Variants in NCOA2 observed in about 807,000 individuals in gnomAD.
The protein encoded by NCOA2 is nuclear receptor coactivator 2, also known as class E basic helix-loop-helix protein 75.
A neutral mutation model predicts 145.1 loss-of-function variants in NCOA2; 21 were observed. That is an observed-to-expected ratio of 0.14 (90% CI 0.10 to 0.21). The LOEUF (loss-of-function observed/expected upper bound fraction) is 0.21. Among genes scored for constraint, NCOA2 ranks in the 10% least tolerant of loss-of-function variants. NCOA2 has a pLI of 1.00. For missense variants in NCOA2, 1,472 were observed against 1,837.6 expected (o/e 0.80, Z 3.64); for synonymous variants, 619 against 637.5 (o/e 0.97, Z 0.44).
intron 1 of NCOA2, among the ~76,000 whole-genome samples, chr8:70,310,298 C>T (rs796498703): frequency 6.4e-5 from 9 of 141,168 alleles, no homozygotes; most frequent in African/African-American, 2.4e-4. Context: ...GAGCCAAGAT[C>T]ACACCACTGC....
At position 70,166,447 on chromosome 8, in the gene NCOA2, A is replaced by C. The variant is rs924041597; in HGVS notation, c.730+119T>G. 2.0e-5 allele frequency: 24 copies of C among 1,192,150 alleles called. No individual in the cohort carries two copies. In the African/African-American group the frequency reaches 3.2e-4, roughly 16 times the overall value. The allele number at this position is 1,192,150 out of a possible 1,614,324, so 73.8% of individuals were successfully genotyped here. On this transcript the variant is annotated intron_variant, in intron 7 of 22. Coordinates refer to ENST00000452400, the MANE Select transcript of NCOA2 (RefSeq NM_006540.4). Reference sequence around the variant, plus strand: ...TTTCCATCACAAAACAGTAAAATTGAAAAGAACAAAGATACTGCCTCCTCA... The same window carrying C: ...TTTCCATCACAAAACAGTAAAATTGCAAAGAACAAAGATACTGCCTCCTCA...
intron 2 of NCOA2, among the ~76,000 whole-genome samples, chr8:70,292,572 A>G (rs931609804): frequency 6.6e-6 from 1 of 151,606 alleles, no homozygotes; most frequent in Non-Finnish European, 1.5e-5. Flanking sequence ...AAAAAGAATC[A>G]GAAAACCTAA....
At chr8:70,234,070 G>A (rs997714689) in intron 2 of NCOA2, among the ~76,000 whole-genome samples, 54 of 152,012 alleles carry the variant, frequency 3.6e-4, no homozygotes, top group African/African-American at 1.3e-3. Context: ...TATCTCTATG[G>A]ATTTACCTAA....
chr8:70,214,671 A>T (rs1053204872), intron 3 of NCOA2, among the ~76,000 whole-genome samples: 1 of 152,206 alleles, frequency 6.6e-6, no homozygotes, highest in African/African-American at 2.4e-5. Context: ...TAACTGTCCA[A>T]GCTGAATGAC....
chr8:70,138,578 C>CA (rs1188405018), intron 14 of NCOA2, among the ~76,000 whole-genome samples: 2 of 152,022 alleles, frequency 1.3e-5, no homozygotes, highest in Admixed American at 1.3e-4. Context: ...TTTAAATACT[C>CA]AAAAAAGTTT....
intron 19 of NCOA2, chr8:70,126,492 T>C (rs1241874545): frequency 3.1e-6 from 1 of 318,902 alleles, no homozygotes; most frequent in African/African-American, 2.0e-5. Flanking sequence ...CTTGTAGACA[T>C]TGACATAAAC....
chr8:70,392,729 T>G (rs971688530), intron 1 of NCOA2, among the ~76,000 whole-genome samples: 6 of 152,238 alleles, frequency 3.9e-5, no homozygotes, highest in Non-Finnish European at 7.3e-5. Context: ...TACCTTTTCC[T>G]CCTCTATCCA....
intron 1 of NCOA2, among the ~76,000 whole-genome samples, chr8:70,392,993 G>A (rs1813341205): frequency 6.6e-6 from 1 of 152,178 alleles, no homozygotes; most frequent in South Asian, 2.1e-4. Context: ...AAAGGAAATA[G>A]GAAGGAGATG....
intron 4 of NCOA2, among the ~76,000 whole-genome samples, chr8:70,213,247 C>T (rs1380666355): frequency 6.6e-6 from 1 of 152,056 alleles, no homozygotes; most frequent in East Asian, 1.9e-4. Context: ...ATTTTTGGCA[C>T]CACAAAGTCA....
At chr8:70,243,303 T>A (rs1018296979) in intron 2 of NCOA2, among the ~76,000 whole-genome samples, 1 of 152,138 alleles carries the variant, frequency 6.6e-6, no homozygotes, top group Non-Finnish European at 1.5e-5. Flanking sequence ...TCTGCTCATA[T>A]GAAACGTCAT....
chr8:70,354,991 G>C (rs533086788), intron 1 of NCOA2, among the ~76,000 whole-genome samples: 1 of 152,270 alleles, frequency 6.6e-6, no homozygotes, highest in South Asian at 2.1e-4. Flanking sequence ...GTTGGTCCTC[G>C]AATGTTTGCT....
At chr8:70,231,079 A>G (rs1223792236) in intron 2 of NCOA2, among the ~76,000 whole-genome samples, 1 of 152,210 alleles carries the variant, frequency 6.6e-6, no homozygotes, top group Non-Finnish European at 1.5e-5. Flanking sequence ...TAGTCTTAGA[A>G]ATGTAATTAT....
At position 70,144,713 on chromosome 8, in the gene NCOA2, A is replaced by G. The variant is rs550594759; in HGVS notation, c.2741T>C (p.Ile914Thr). The change falls in exon 13 of 23, where the codon ATA (isoleucine) becomes ACA (threonine). Residue 914 changes from isoleucine (I) to threonine (T), a missense_variant. Physicochemically the swap from Ile to Thr is moderately conservative, Grantham distance 89. Transcript: ENST00000452400. ...PIRNSSPYSV[I>T]PQPGMMGNQG... ...ATTACCCATCATTCCTGGCTGAGGTATCACTGAGTAGGGACTACTGTTTCT... is the reference window on the plus strand; with the variant it reads ...ATTACCCATCATTCCTGGCTGAGGTGTCACTGAGTAGGGACTACTGTTTCT... 1 of 1,613,988 alleles carries G rather than the reference A, an allele frequency of 6.2e-7. No homozygotes were observed. The highest frequency in any genetic ancestry group is 8.5e-7 in the Non-Finnish European group (1 of 1,179,870).
chr8:70,188,918 T>C (rs191829556), intron 4 of NCOA2, among the ~76,000 whole-genome samples: 2 of 152,174 alleles, frequency 1.3e-5, no homozygotes, highest in African/African-American at 4.8e-5. Context: ...GTATTAACAG[T>C]AATAAAATTT....
intron 2 of NCOA2, among the ~76,000 whole-genome samples, chr8:70,284,769 C>T (rs1490437245): frequency 1.3e-5 from 2 of 151,990 alleles, no homozygotes; most frequent in Admixed American, 6.6e-5. Context: ...AGGAAAGAAG[C>T]TTTGCCTCTA....
intron 1 of NCOA2, chr8:70,401,962 G>C (rs1188135393): frequency 6.6e-6 from 1 of 152,234 alleles, no homozygotes; most frequent in African/African-American, 2.4e-5. Flanking sequence ...ACAGGACCTC[G>C]AGTGCCTCGG....
intron 1 of NCOA2, among the ~76,000 whole-genome samples, chr8:70,316,558 G>A (rs1586468450): frequency 6.6e-6 from 1 of 152,070 alleles, no homozygotes; most frequent in African/African-American, 2.4e-5. Context: ...TTTGGACTGA[G>A]CTCCTACACT....
chr8:70,310,383 C>G (rs1002121044), intron 1 of NCOA2, among the ~76,000 whole-genome samples: 50 of 150,638 alleles, frequency 3.3e-4, no homozygotes, highest in African/African-American at 1.1e-3. Flanking sequence ...ATAGAGTGAC[C>G]GAGAGTTTGA....
chr8:70,387,883 C>A (rs1812816039), intron 1 of NCOA2, among the ~76,000 whole-genome samples: 1 of 152,158 alleles, frequency 6.6e-6, no homozygotes, highest in South Asian at 2.1e-4. Context: ...GATATTCTAG[C>A]CTGCAACCTA....
Sources: gnomAD v4.1 joint callset for allele counts (sites outside exome capture counted in the v4.1 genomes callset) on GRCh38, gnomAD v4.1.1 for gene constraint, MANE v1.5 for transcripts, NCBI Gene and HGNC (gene_info 2026-07-23, HGNC 2026-07-21) for gene names.